GRIK2: variants seen among roughly 807,000 people sequenced by gnomAD.
GRIK2 encodes glutamate ionotropic receptor kainate type subunit 2.
GRIK2 carries 32 observed loss-of-function variants against 100.3 expected under a neutral mutation model. The observed-to-expected ratio is 0.32, with a 90% confidence interval of 0.24 to 0.43. The LOEUF (loss-of-function observed/expected upper bound fraction) is 0.43. Among genes scored for constraint, GRIK2 ranks in the 20% least tolerant of loss-of-function variants. The probability of loss-of-function intolerance (pLI) is 1.00; values close to 1 mark genes in which losing one functional copy is unlikely to be tolerated. For synonymous variants in GRIK2, 417 were observed against 389.4 expected (o/e 1.07, Z -0.83); for missense variants, 843 against 1,114.9 (o/e 0.76, Z 3.47).
At chr6:101,975,259 G>A (rs1275189473) in intron 14 of GRIK2, among the ~76,000 whole-genome samples, 2 of 151,888 alleles carry the variant, frequency 1.3e-5, no homozygotes, top group Non-Finnish European at 2.9e-5. Flanking sequence ...ATTAGGTTTG[G>A]TGTTGTTAAC....
chr6:101,888,371 G>T (rs1786805999), intron 11 of GRIK2, among the ~76,000 whole-genome samples: 1 of 152,156 alleles, frequency 6.6e-6, no homozygotes, highest in African/African-American at 2.4e-5. Flanking sequence ...TGGGGAATGT[G>T]ACAATTCCTG....
chr6:102,007,448 C>A (rs1306468789), intron 14 of GRIK2, among the ~76,000 whole-genome samples: 1 of 152,054 alleles, frequency 6.6e-6, no homozygotes, highest in Non-Finnish European at 1.5e-5. Context: ...TTCCTGCCAC[C>A]TTCACTTTGT....
At chr6:101,927,313 A>T in intron 13 of GRIK2, 1 of 731,932 alleles carries the variant, frequency 1.4e-6, no homozygotes, top group Non-Finnish European at 1.7e-6. Context: ...TTACTGCATC[A>T]GAGATTATAC....
At chr6:101,429,219 T>C (rs1390519993) in intron 2 of GRIK2, among the ~76,000 whole-genome samples, 1 of 152,174 alleles carries the variant, frequency 6.6e-6, no homozygotes, top group African/African-American at 2.4e-5. Flanking sequence ...TTATTCCTAA[T>C]TCAGGAACCA....
At chr6:101,426,493 C>T (rs1313501619) in intron 2 of GRIK2, among the ~76,000 whole-genome samples, 2 of 152,152 alleles carry the variant, frequency 1.3e-5, no homozygotes, top group African/African-American at 2.4e-5. Context: ...CTACACTTCC[C>T]AGCCTTTGGT....
At chr6:101,571,630 A>T (rs1173611989) in intron 2 of GRIK2, among the ~76,000 whole-genome samples, 2 of 152,150 alleles carry the variant, frequency 1.3e-5, no homozygotes, top group Non-Finnish European at 2.9e-5. Flanking sequence ...TTATAGCTTA[A>T]TAAATTAAAA....
At chr6:101,577,627 G>A (rs1204471946) in intron 2 of GRIK2, among the ~76,000 whole-genome samples, 1 of 152,054 alleles carries the variant, frequency 6.6e-6, no homozygotes, top group Non-Finnish European at 1.5e-5. Flanking sequence ...TAGTGGATCT[G>A]TTTATCTTAA....
rs1361203027 is a variant in GRIK2, at chr6:101,833,377, C to T, written c.1317+14894C>T. Among the ~76,000 whole-genome samples the T allele has an allele frequency of 2.6e-5, 4 of 151,068 alleles. No homozygotes were observed. In the Middle Eastern group the frequency reaches 9.5e-3, roughly 359 times the overall value. ...TCCTAAGGAGCTGGAATTACAGGTG[C>T]CTACCACCATGCCCGGCTAATTTTT... On this transcript the variant is annotated intron_variant, in intron 10 of 16. Transcript: ENST00000369134.
At chr6:101,529,723 T>C (rs1348179129) in intron 2 of GRIK2, among the ~76,000 whole-genome samples, 1 of 152,046 alleles carries the variant, frequency 6.6e-6, no homozygotes, top group Non-Finnish European at 1.5e-5. Context: ...CTGAAATAAT[T>C]AGAATCCAAG....
In GRIK2 at chr6:101,698,618, TATTC is replaced by T. The variant is rs1210011177; in HGVS notation, c.951+12278_951+12281del. 1.4e-4 allele frequency among the ~76,000 whole-genome samples: 22 copies of T among 152,128 alleles called. 1 individual carries two copies. The highest frequency in any genetic ancestry group is 3.1e-4 in the Non-Finnish European group (21 of 68,002). On this transcript the variant is annotated intron_variant, in intron 7 of 16. Transcript: ENST00000369134. ...TCATAAAAAACCTCCTATGTATTGC[TATTC>T]ATTCATTCATTCTCCAAATATTTAC...
At chr6:101,824,220 T>C (rs886513575) in intron 10 of GRIK2, among the ~76,000 whole-genome samples, 2 of 152,102 alleles carry the variant, frequency 1.3e-5, no homozygotes, top group Non-Finnish European at 2.9e-5. Flanking sequence ...TGTGAGATTT[T>C]GGTGCACTCA....
chr6:101,481,085 G>T (rs993662859), intron 2 of GRIK2, among the ~76,000 whole-genome samples: 3 of 152,138 alleles, frequency 2.0e-5, no homozygotes, highest in African/African-American at 7.2e-5. Flanking sequence ...TTACTCTAAA[G>T]TTCATGTAAA....
intron 7 of GRIK2, among the ~76,000 whole-genome samples, chr6:101,779,536 G>T (rs1778951848): frequency 6.6e-6 from 1 of 152,152 alleles, no homozygotes; most frequent in South Asian, 2.1e-4. Context: ...TTTTTTGTAG[G>T]TTAACTAACT....
chr6:101,839,614 ATTG>A (rs1259887219), intron 10 of GRIK2, among the ~76,000 whole-genome samples: 1 of 152,208 alleles, frequency 6.6e-6, no homozygotes, highest in Non-Finnish European at 1.5e-5. Context: ...TGAAGGTGGA[ATTG>A]TTGTTCACTG....
intron 10 of GRIK2, among the ~76,000 whole-genome samples, chr6:101,843,688 T>A (rs1332208598): frequency 9.9e-5 from 15 of 152,184 alleles, no homozygotes; most frequent in Admixed American, 9.8e-4. Flanking sequence ...CATAGGAAGT[T>A]GTTTTTTGCT....
At chr6:101,957,864 TATATTA>T (rs1229677671) in intron 14 of GRIK2, among the ~76,000 whole-genome samples, 1 of 152,138 alleles carries the variant, frequency 6.6e-6, no homozygotes, top group Non-Finnish European at 1.5e-5. Flanking sequence ...TGATGTATTC[TATATTA>T]CATTCCAGTG....
At chr6:101,885,955 G>A (rs1280451934) in intron 11 of GRIK2, among the ~76,000 whole-genome samples, 1 of 151,938 alleles carries the variant, frequency 6.6e-6, no homozygotes, top group East Asian at 1.9e-4. Flanking sequence ...TTCTCTCTTT[G>A]TGTTGTACAA....
At chr6:101,855,351 A>G (rs1332284071) in intron 10 of GRIK2, among the ~76,000 whole-genome samples, 1 of 152,174 alleles carries the variant, frequency 6.6e-6, no homozygotes, top group East Asian at 1.9e-4. Context: ...AAATAAACAA[A>G]ACTTCAGATG....
chr6:101,587,132 A>C (rs1054755708), intron 2 of GRIK2, among the ~76,000 whole-genome samples: 10 of 152,064 alleles, frequency 6.6e-5, no homozygotes, highest in Admixed American at 6.6e-4. Flanking sequence ...TTTAAAAATG[A>C]ATATGAAAGA....
Sources: allele counts gnomAD v4.1 joint callset (sites outside exome capture counted in the v4.1 genomes callset), GRCh38; gene constraint gnomAD v4.1.1; transcripts MANE v1.5; gene names NCBI Gene and HGNC (gene_info 2026-07-23, HGNC 2026-07-21).